The following DNAH3 variants were observed in gnomAD, a reference collection of about 807,000 sequenced individuals.
The protein encoded by DNAH3 is dynein axonemal heavy chain 3.
A neutral mutation model predicts 432.5 loss-of-function variants in DNAH3; 332 were observed. The observed-to-expected ratio is 0.77, with a 90% CI of 0.70 to 0.84. The LOEUF is 0.84. Ranked by LOEUF, DNAH3 falls within the 40% of genes least tolerant of loss-of-function variation. DNAH3 has a pLI of 0.00. For synonymous variants in DNAH3, 1,956 were observed against 1,900.2 expected, an observed-to-expected ratio of 1.03 and a Z score of -0.76; for missense variants, 4,861 against 5,114.0, an observed-to-expected ratio of 0.95 and a Z score of 1.51.
chr16:21,120,762 G>C (rs771631592), exon 11 of DNAH3: 8 of 1,613,920 alleles, frequency 5.0e-6, no homozygotes, highest in Non-Finnish European at 5.9e-6. Context: ...TGGCAGCCGC[G>C]TGCATGCTGG....
At chr16:20,988,909 T>C (rs534894580) in intron 44 of DNAH3, among the ~76,000 whole-genome samples, 1 of 152,154 alleles carries the variant, frequency 6.6e-6, no homozygotes, top group Non-Finnish European at 1.5e-5. Flanking sequence ...GTGTTACAGC[T>C]CTTAAGGCGG....
chr16:21,149,954 G>A (rs571239659), intron 1 of DNAH3, among the ~76,000 whole-genome samples: 1 of 152,154 alleles, frequency 6.6e-6, no homozygotes, highest in African/African-American at 2.4e-5. Flanking sequence ...GGCCAGACAC[G>A]GTGGCTCACA....
At chr16:20,972,709 A>C (rs1302484065) in intron 51 of DNAH3, among the ~76,000 whole-genome samples, 1 of 150,296 alleles carries the variant, frequency 6.7e-6, no homozygotes, top group Non-Finnish European at 1.5e-5. Flanking sequence ...CCAATCAAAA[A>C]GGCCTGCCCT....
In DNAH3 at chr16:20,947,025, A is replaced by T. The variant is rs1404755411; in HGVS notation, c.11343+1458T>A. On this transcript the variant is annotated intron_variant, in intron 57 of 61. Coordinates refer to ENST00000261383, the Ensembl canonical transcript of DNAH3. ...TTTTTAGTAGAGACAGAATTTCACC[A>T]CATTGGCCAGGCTGGTCTCAAACTC... 2.0e-5 allele frequency among the ~76,000 whole-genome samples: 3 copies of T among 151,792 alleles called. No individual in the cohort carries two copies. The South Asian group carries it at 6.2e-4, about 32-fold the overall frequency.
At chr16:21,009,028 C>T (rs1393479776) in intron 41 of DNAH3, among the ~76,000 whole-genome samples, 2 of 152,192 alleles carry the variant, frequency 1.3e-5, no homozygotes, top group Admixed American at 1.3e-4. Flanking sequence ...CAATCTGGCA[C>T]AATGCTTACA....
chr16:20,934,073 A>C (rs1178902133), intron 61 of DNAH3, among the ~76,000 whole-genome samples: 1 of 152,124 alleles, frequency 6.6e-6, no homozygotes, highest in Non-Finnish European at 1.5e-5. Context: ...GTAAACTCAA[A>C]TTCCTTTAGG....
rs184257607 is a variant in DNAH3 at position 21,041,960 on chromosome 16, G to A, written c.4638+67C>T. 9.1e-4 allele frequency: 1,432 copies of A among 1,581,074 alleles called. 6 individuals are homozygous for A. In the African/African-American group the frequency reaches 0.017, roughly 19 times the overall value. Reference sequence around the variant, plus strand: ...AGTGCTGGGATTATAGGTGTGAGCCGCCACACCCGGCCCAGAGGTTTCTAT... The same window carrying A: ...AGTGCTGGGATTATAGGTGTGAGCCACCACACCCGGCCCAGAGGTTTCTAT... On this transcript the variant is annotated intron_variant, in intron 32 of 61. Coordinates refer to ENST00000261383, the Ensembl canonical transcript of DNAH3.
intron 50 of DNAH3, among the ~76,000 whole-genome samples, 185 bp from the exon 51 acceptor site, chr16:20,975,600 G>A (rs565583093): frequency 6.6e-6 from 1 of 152,272 alleles, no homozygotes; most frequent in South Asian, 2.1e-4. Context: ...CAGTTATTGA[G>A]TTTACACTCT....
chr16:21,032,725 A>T (rs1159078574), intron 36 of DNAH3, among the ~76,000 whole-genome samples: 1 of 151,946 alleles, frequency 6.6e-6, no homozygotes, highest in Admixed American at 6.6e-5. Context: ...AGATAGGAGG[A>T]TTGCTTGAGC....
chr16:21,087,423 C>A (rs557697884), intron 18 of DNAH3, among the ~76,000 whole-genome samples: 15 of 152,272 alleles, frequency 9.9e-5, no homozygotes, highest in Admixed American at 7.8e-4. Context: ...ATGGCTTACA[C>A]TTGTAATCCC....
intron 51 of DNAH3, among the ~76,000 whole-genome samples, chr16:20,974,765 A>G (rs1171643603): frequency 4.0e-5 from 6 of 151,102 alleles, no homozygotes; most frequent in African/African-American, 1.5e-4. Context: ...ATGTTTCAGA[A>G]CAACTTCCTT....
At chr16:21,031,253 T>G in exon 37 of DNAH3, 1 of 1,614,180 alleles carries the variant, frequency 6.2e-7, no homozygotes, top group Non-Finnish European at 8.5e-7. Flanking sequence ...GTTGATGATC[T>G]TGTACTCCAC....
intron 18 of DNAH3, among the ~76,000 whole-genome samples, chr16:21,088,576 C>A (rs2091447606): frequency 6.6e-6 from 1 of 152,178 alleles, no homozygotes; most frequent in South Asian, 2.1e-4. Context: ...ATTTTAGACA[C>A]TGCTATTTGA....
chr16:20,965,326 G>C lies in DNAH3; in HGVS notation c.8558C>G (p.Pro2853Arg). 6 of 1,608,340 alleles carry C rather than the reference G, an allele frequency of 3.7e-6. 1 individual carries two copies. Among genetic ancestry groups the C allele is most frequent in the Middle Eastern group, 3.3e-4 (2 of 6,032 alleles). ...TTCCCGGATCCGCTTCATGGTCAGT[G>C]GGGGGATGTTGTCTTTGTCATATGT... The change falls in exon 53 of 62, where the codon CCA becomes CGA. Residue 2853 changes from proline (P) to arginine (R), a missense_variant. Transcript: ENST00000261383.
intron 20 of DNAH3, among the ~76,000 whole-genome samples, chr16:21,079,534 A>C (rs1016195716): frequency 6.6e-6 from 1 of 152,166 alleles, no homozygotes; most frequent in Non-Finnish European, 1.5e-5. Context: ...GAGGCAGAAG[A>C]ATCACTTGAA....
At chr16:20,958,301 T>C (rs1424248928) in intron 54 of DNAH3, among the ~76,000 whole-genome samples, 1 of 152,104 alleles carries the variant, frequency 6.6e-6, no homozygotes, top group Non-Finnish European at 1.5e-5. Flanking sequence ...CTTGAACTCC[T>C]GGGTTCAAGC....
intron 11 of DNAH3, among the ~76,000 whole-genome samples, chr16:21,119,754 AC>A (rs1237987096): frequency 1.3e-5 from 2 of 150,716 alleles, no homozygotes; most frequent in African/African-American, 2.4e-5. Flanking sequence ...CCGCCACCAC[AC>A]CCGGCTAATT....
At chr16:20,984,029 GAAAA>G (rs61475224) in intron 48 of DNAH3, among the ~76,000 whole-genome samples, 15 of 112,140 alleles carry the variant, frequency 1.3e-4, no homozygotes, top group East Asian at 7.9e-4. Flanking sequence ...CCTATATCCA[GAAAA>G]AAAAAAAAAA....
chr16:21,027,240 G>T, intron 37 of DNAH3, 113 bp from the exon 38 acceptor site: 1 of 754,434 alleles, frequency 1.3e-6, no homozygotes, highest in Non-Finnish European at 2.3e-6. Context: ...AATATTTCTT[G>T]AGCACTTATG....
Sources: allele counts gnomAD v4.1 joint callset (sites outside exome capture counted in the v4.1 genomes callset), GRCh38; gene constraint gnomAD v4.1.1; transcripts MANE v1.5; gene names NCBI Gene and HGNC (gene_info 2026-07-23, HGNC 2026-07-21).